The following NPIPB8 variants were observed in gnomAD, a reference collection of about 807,000 sequenced individuals.
NPIPB8 encodes nuclear pore complex-interacting protein family member B8.
Under a neutral mutation model 5.3 loss-of-function variants are expected in NPIPB8, and 3 were observed. The observed-to-expected ratio is 0.57, with a 90% CI of 0.26 to 1.47. The LOEUF is 1.47. NPIPB8 is among the 40% of genes most tolerant of loss of function. The pLI, the probability that NPIPB8 is intolerant of heterozygous loss-of-function variation, is 0.13. For missense variants in NPIPB8, 50 were observed against 50.2 expected (o/e 1.00, Z 0.01); for synonymous variants, 18 against 23.0 (o/e 0.78, Z 0.62).
At chr16:28,650,987 T>A (rs2048031759) in intron 3 of NPIPB8, among the ~76,000 whole-genome samples, 1 of 99,370 alleles carries the variant, frequency 1.0e-5, no homozygotes, top group Non-Finnish European at 1.9e-5. Flanking sequence ...TTCATGTCAT[T>A]TTTTTTTTTT....
At chr16:28,639,455 ATTT>A (rs1181691602) in intron 2 of NPIPB8, among the ~76,000 whole-genome samples, 1 of 120,838 alleles carries the variant, frequency 8.3e-6, no homozygotes, top group Non-Finnish European at 1.7e-5. Flanking sequence ...ATATATATAT[ATTT>A]TTTTTTTTTT....
Position 28,638,167 on chromosome 16 carries a change from T to C in NPIPB8, c.-39+17T>C. On this transcript the variant is annotated intron_variant, in intron 1 of 7. Coordinates refer to ENST00000683297, the MANE Select transcript of NPIPB8 (RefSeq NM_001310136.2). Reference sequence around the variant, plus strand: ...AAAACTGAGGTTAAAAGGGGTAAAGTAATTTTGCATGGCATGAAGTAGAAA... The same window carrying C: ...AAAACTGAGGTTAAAAGGGGTAAAGCAATTTTGCATGGCATGAAGTAGAAA... 2 of 658,306 alleles carry C rather than the reference T, an allele frequency of 3.0e-6. No homozygotes were observed. Among genetic ancestry groups the C allele is most frequent in the Non-Finnish European group, 5.1e-6 (2 of 390,920 alleles). The allele number at this position is 658,306 out of a possible 1,614,324, so 40.8% of individuals were successfully genotyped here.
At chr16:28,642,757 C>G (rs1275217680) in intron 2 of NPIPB8, among the ~76,000 whole-genome samples, 1 of 151,846 alleles carries the variant, frequency 6.6e-6, no homozygotes, top group Non-Finnish European at 1.5e-5. Flanking sequence ...GCTGGGATTA[C>G]AGGCGTGAGC....
At chr16:28,642,074 T>C (rs536050301) in intron 2 of NPIPB8, among the ~76,000 whole-genome samples, 1 of 151,152 alleles carries the variant, frequency 6.6e-6, no homozygotes, top group Admixed American at 6.6e-5. Flanking sequence ...TGGTCTCTCC[T>C]TTTATAACCA....
chr16:28,641,773 G>T (rs2065688137), intron 2 of NPIPB8, among the ~76,000 whole-genome samples: 2 of 131,562 alleles, frequency 1.5e-5, no homozygotes, highest in South Asian at 4.9e-4. Flanking sequence ...AAGGAAACCA[G>T]CCCAGGGTCA....
chr16:28,644,606 G>C (rs754312519), intron 2 of NPIPB8: 3 of 1,415,448 alleles, frequency 2.1e-6, no homozygotes, highest in Non-Finnish European at 2.8e-6. Flanking sequence ...CTGCGCTTTT[G>C]GCTCCTCATT....
chr16:28,642,412 G>A (rs1237567510), intron 2 of NPIPB8, among the ~76,000 whole-genome samples: 2 of 151,538 alleles, frequency 1.3e-5, no homozygotes, highest in Non-Finnish European at 2.9e-5. Flanking sequence ...CCAAATCTAG[G>A]GCCGGAACAT....
intron 2 of NPIPB8, among the ~76,000 whole-genome samples, chr16:28,640,201 T>C (rs1596673273): frequency 6.6e-6 from 1 of 151,856 alleles, no homozygotes; most frequent in East Asian, 1.9e-4. Context: ...GAGTGTGGGG[T>C]AGATGGTGCA....
intron 5 of NPIPB8, among the ~76,000 whole-genome samples, chr16:28,652,641 G>T: frequency 9.2e-6 from 1 of 108,992 alleles, no homozygotes; most frequent in Non-Finnish European, 1.8e-5. Flanking sequence ...ATGGAGCTTT[G>T]CTGTTGTTGC....
At chr16:28,642,941 C>T (rs1244869685) in intron 2 of NPIPB8, among the ~76,000 whole-genome samples, 1 of 152,198 alleles carries the variant, frequency 6.6e-6, no homozygotes, top group Non-Finnish European at 1.5e-5. Context: ...TTTTCAGCTG[C>T]CAGAGGCCTG....
intron 2 of NPIPB8, 44 bp downstream of exon 2, chr16:28,638,524 T>C: frequency 6.6e-7 from 1 of 1,509,220 alleles, no homozygotes; most frequent in Non-Finnish European, 8.9e-7. Flanking sequence ...CCTTGAGCAG[T>C]TCCCGGGTCT....
At chr16:28,645,327 A>G (rs1235714001) in intron 2 of NPIPB8, among the ~76,000 whole-genome samples, 2 of 84,222 alleles carry the variant, frequency 2.4e-5, no homozygotes, top group African/African-American at 4.4e-5. Context: ...GCGCCTGGCC[A>G]AAATATATAA....
chr16:28,640,425 G>A (rs1186058116), intron 2 of NPIPB8, among the ~76,000 whole-genome samples: 4 of 152,124 alleles, frequency 2.6e-5, no homozygotes, highest in Non-Finnish European at 4.4e-5. Context: ...AAGAGATGAA[G>A]GAGAGAGTGG....
At chr16:28,640,209 G>A (rs1241888953) in intron 2 of NPIPB8, among the ~76,000 whole-genome samples, 2 of 152,034 alleles carry the variant, frequency 1.3e-5, no homozygotes, top group East Asian at 3.8e-4. Flanking sequence ...GGTAGATGGT[G>A]CATGCCTGCT....
intron 2 of NPIPB8, among the ~76,000 whole-genome samples, chr16:28,641,281 A>ATAGTGGGGG: frequency 6.6e-6 from 1 of 150,578 alleles, no homozygotes; most frequent in South Asian, 2.1e-4. Flanking sequence ...ATCTGTGGGG[A>ATAGTGGGGG]TAGTGGGGGT....
chr16:28,640,547 G>A lies in NPIPB8; in HGVS notation c.120+2067G>A, dbSNP rs546388749. On this transcript the variant is annotated intron_variant, in intron 2 of 7. Coordinates refer to ENST00000683297, the MANE Select transcript of NPIPB8 (RefSeq NM_001310136.2). The stretch of plus-strand genomic sequence containing the variant: ...GGTACATCCACTTTCAAGTGGCCCA[G>A]GAGAGAACCTGAAATACTTGGTGGA... Among the ~76,000 whole-genome samples, 171 of 152,226 alleles carry A rather than the reference G, an allele frequency of 1.1e-3. 1 individual carries two copies. Among genetic ancestry groups the A allele is most frequent in the Non-Finnish European group, 1.6e-3 (107 of 68,030 alleles).
chr16:28,639,063 T>G (rs2047844505), intron 2 of NPIPB8, among the ~76,000 whole-genome samples: 2 of 139,246 alleles, frequency 1.4e-5, no homozygotes, highest in South Asian at 2.2e-4. Flanking sequence ...AGCGAGACTC[T>G]GTCAAAAAAA....
intron 2 of NPIPB8, among the ~76,000 whole-genome samples, chr16:28,640,859 A>G: frequency 1.3e-5 from 2 of 152,110 alleles, no homozygotes; most frequent in Non-Finnish European, 2.9e-5. Context: ...GTTACCCCAT[A>G]TGATAGTTTT....
intron 3 of NPIPB8, among the ~76,000 whole-genome samples, chr16:28,651,683 A>G (rs1401528540): frequency 9.8e-4 from 90 of 91,838 alleles, no homozygotes; most frequent in African/African-American, 1.9e-3. Flanking sequence ...AGGCTGGAGT[A>G]CAGTGGTGTG....
Sources: allele counts gnomAD v4.1 joint callset (sites outside exome capture counted in the v4.1 genomes callset), GRCh38; gene constraint gnomAD v4.1.1; transcripts MANE v1.5; gene names NCBI Gene and HGNC (gene_info 2026-07-23, HGNC 2026-07-21).